Variants in PTPRD observed in about 807,000 individuals in gnomAD.
PTPRD encodes protein tyrosine phosphatase receptor type D.
A neutral mutation model predicts 214.5 loss-of-function variants in PTPRD; 34 were observed. The ratio of observed to expected loss-of-function variants is 0.16; its 90% CI spans 0.12 to 0.21. The LOEUF is 0.21. Ranked by LOEUF, PTPRD falls within the 10% of genes least tolerant of loss-of-function variation. The pLI is 1.00. For synonymous variants in PTPRD, 1,128 were observed against 845.7 expected, an observed-to-expected ratio of 1.33 and a Z score of -5.79; for missense variants, 2,545 against 2,398.7, an observed-to-expected ratio of 1.06 and a Z score of -1.27.
intron 34 of PTPRD, among the ~76,000 whole-genome samples, chr9:8,449,472 T>A (rs1198202800): frequency 6.6e-6 from 1 of 152,216 alleles, no homozygotes; most frequent in Non-Finnish European, 1.5e-5. Flanking sequence ...GATATTATTA[T>A]AAAGACTATA....
chr9:10,026,647 G>A (rs1014456797), intron 4 of PTPRD, among the ~76,000 whole-genome samples: 3 of 152,088 alleles, frequency 2.0e-5, no homozygotes, highest in Non-Finnish European at 4.4e-5. Context: ...TTTCTCAATA[G>A]AGGAGCACTG....
At chr9:10,315,741 G>GC (rs1396907836) in intron 3 of PTPRD, among the ~76,000 whole-genome samples, 4 of 151,858 alleles carry the variant, frequency 2.6e-5, no homozygotes, top group Non-Finnish European at 5.9e-5. Context: ...ACAGCAATAG[G>GC]CCCCATGGAA....
At chr9:9,594,184 C>A (rs113662680) in intron 7 of PTPRD, among the ~76,000 whole-genome samples, 3 of 152,068 alleles carry the variant, frequency 2.0e-5, no homozygotes, top group African/African-American at 7.2e-5. Flanking sequence ...CTGAGCTACA[C>A]ATTTCCCAGG....
chr9:8,541,441 G>A (rs555608026), intron 14 of PTPRD, among the ~76,000 whole-genome samples: 1 of 152,188 alleles, frequency 6.6e-6, no homozygotes, highest in East Asian at 1.9e-4. Context: ...AAGTTGCCCA[G>A]GCTAGTCTGA....
intron 5 of PTPRD, among the ~76,000 whole-genome samples, chr9:9,771,436 A>G (rs1474079190): frequency 1.3e-5 from 2 of 152,192 alleles, no homozygotes; most frequent in Non-Finnish European, 2.9e-5. Context: ...CTGTAATGGA[A>G]CCAACCATGT....
At chr9:9,954,907 C>A (rs905804085) in intron 4 of PTPRD, among the ~76,000 whole-genome samples, 1 of 152,012 alleles carries the variant, frequency 6.6e-6, no homozygotes, top group African/African-American at 2.4e-5. Context: ...ACGAGATTCA[C>A]GAACAAACAA....
At chr9:10,465,153 A>C (rs993147575) in intron 2 of PTPRD, among the ~76,000 whole-genome samples, 4 of 152,200 alleles carry the variant, frequency 2.6e-5, no homozygotes, top group African/African-American at 9.6e-5. Context: ...AAAGTCAATA[A>C]TGAATCCTGG....
At chr9:8,728,398 A>G (rs1156309397) in intron 12 of PTPRD, among the ~76,000 whole-genome samples, 1 of 152,102 alleles carries the variant, frequency 6.6e-6, no homozygotes, top group African/African-American at 2.4e-5. Context: ...AGGTCTTGCT[A>G]TGTTGTCCAG....
chr9:9,009,278 A>G (rs2099497400), intron 11 of PTPRD, among the ~76,000 whole-genome samples: 1 of 152,194 alleles, frequency 6.6e-6, no homozygotes, highest in South Asian at 2.1e-4. Context: ...TTGAGAATTA[A>G]TAAAAGTTGA....
chr9:10,212,304 G>A (rs2099521033), intron 3 of PTPRD, among the ~76,000 whole-genome samples: 1 of 152,028 alleles, frequency 6.6e-6, no homozygotes, highest in Non-Finnish European at 1.5e-5. Flanking sequence ...TTGATATCAA[G>A]GCATCTTAAT....
At chr9:9,226,642 C>G (rs529797755) in intron 9 of PTPRD, among the ~76,000 whole-genome samples, 2 of 151,950 alleles carry the variant, frequency 1.3e-5, no homozygotes, top group Non-Finnish European at 2.9e-5. Flanking sequence ...GATCTTGGAT[C>G]TTGGGTAAAC....
At chr9:9,335,945 A>G (rs2044276284) in intron 9 of PTPRD, among the ~76,000 whole-genome samples, 1 of 152,118 alleles carries the variant, frequency 6.6e-6, no homozygotes, top group African/African-American at 2.4e-5. Flanking sequence ...AATAGGAGAG[A>G]TCATAAACTT....
intron 5 of PTPRD, among the ~76,000 whole-genome samples, chr9:9,844,156 T>C (rs186177068): frequency 4.9e-4 from 74 of 152,162 alleles, no homozygotes; most frequent in African/African-American, 1.6e-3. Context: ...TTAATTTTAT[T>C]GTTTTTTGTC....
In PTPRD at chr9:8,325,125, G is replaced by T. The variant is rs571754977; in HGVS notation, c.5535-5159C>A. On this transcript the variant is annotated intron_variant, in intron 44 of 45. Transcript: ENST00000381196. ...AATTAGATCCCATTTGCCACTTTTG[G>T]CTTTAGTTGCCATTGCTTTTGGTGT... 6.0e-5 allele frequency among the ~76,000 whole-genome samples: 9 copies of T among 149,216 alleles called. No individual in the cohort carries two copies. In the South Asian group the frequency reaches 1.7e-3, roughly 28 times the overall value.
intron 8 of PTPRD, among the ~76,000 whole-genome samples, chr9:9,403,609 G>C (rs2071900356): frequency 6.6e-6 from 1 of 152,024 alleles, no homozygotes; most frequent in African/African-American, 2.4e-5. Flanking sequence ...TGAATAAACA[G>C]TGGTGTAATA....
intron 3 of PTPRD, among the ~76,000 whole-genome samples, chr9:10,066,162 G>T (rs1437213563): frequency 6.6e-6 from 1 of 151,318 alleles, no homozygotes; most frequent in Non-Finnish European, 1.5e-5. Flanking sequence ...TATTTTTAAG[G>T]CAACAATTTT....
intron 11 of PTPRD, among the ~76,000 whole-genome samples, chr9:8,956,903 A>G (rs2099134368): frequency 5.9e-5 from 9 of 151,792 alleles, no homozygotes; most frequent in Admixed American, 5.3e-4. Flanking sequence ...AGGCCTAAAC[A>G]TTGCTATTTT....
intron 30 of PTPRD, among the ~76,000 whole-genome samples, chr9:8,473,886 C>A (rs987029738): frequency 3.3e-5 from 5 of 152,206 alleles, no homozygotes; most frequent in African/African-American, 4.8e-5. Flanking sequence ...AGCTCTTGCA[C>A]ATTGAAAGAA....
At chr9:9,976,496 T>C (rs1224362456) in intron 4 of PTPRD, among the ~76,000 whole-genome samples, 1 of 151,510 alleles carries the variant, frequency 6.6e-6, no homozygotes, top group African/African-American at 2.4e-5. Flanking sequence ...AAGAGATTCT[T>C]ACACCTTAGC....
Sources: allele counts gnomAD v4.1 joint callset (sites outside exome capture counted in the v4.1 genomes callset), GRCh38; gene constraint gnomAD v4.1.1; transcripts MANE v1.5; gene names NCBI Gene and HGNC (gene_info 2026-07-23, HGNC 2026-07-21).